The following EPB41L3 variants were observed in gnomAD, a reference collection of about 807,000 sequenced individuals.
EPB41L3 encodes the protein erythrocyte membrane protein band 4.1 like 3.
A neutral mutation model predicts 127.1 loss-of-function variants in EPB41L3; 57 were observed. The observed-to-expected ratio is 0.45, with a 90% CI of 0.36 to 0.56. The LOEUF is 0.56. EPB41L3 is among the 20% of genes least tolerant of loss of function. The pLI is 0.00. For synonymous variants in EPB41L3, 572 were observed against 549.5 expected (o/e 1.04, Z -0.57); for missense variants, 1,273 against 1,372.2 (o/e 0.93, Z 1.14).
chr18:5,426,148 C>T (rs1311811859), intron 9 of EPB41L3, among the ~76,000 whole-genome samples: 1 of 152,182 alleles, frequency 6.6e-6, no homozygotes, highest in Non-Finnish European at 1.5e-5. Flanking sequence ...CTTTCTCTAA[C>T]TTGCCTTGCT....
At chr18:5,420,172 C>T in intron 11 of EPB41L3, 1 of 481,706 alleles carries the variant, frequency 2.1e-6, no homozygotes, top group Non-Finnish European at 3.7e-6. Context: ...TATCCTCAGA[C>T]TCTCTGCTGA....
In EPB41L3 at chr18:5,471,793, C is replaced by A. The variant is rs561586196; in HGVS notation, c.381+6448G>T. 3.3e-5 allele frequency among the ~76,000 whole-genome samples: 5 copies of A among 152,262 alleles called. No homozygotes were observed. The East Asian group carries it at 9.7e-4, about 29-fold the overall frequency. ...AAGGAGTTAGCTTTGCACGAAAAGGCAAACCTAGGGCTTCAGCATCACGAT... is the reference window on the plus strand; with the variant it reads ...AAGGAGTTAGCTTTGCACGAAAAGGAAAACCTAGGGCTTCAGCATCACGAT... On this transcript the variant is annotated intron_variant, in intron 3 of 22. Transcript: ENST00000341928.
intron 1 of EPB41L3, among the ~76,000 whole-genome samples, chr18:5,619,974 G>A (rs1329475822): frequency 6.6e-6 from 1 of 152,032 alleles, no homozygotes; most frequent in Non-Finnish European, 1.5e-5. Flanking sequence ...TATATTACCT[G>A]AGCTAACAAT....
At chr18:5,592,801 G>T (rs2094497837) in intron 3 of EPB41L3, among the ~76,000 whole-genome samples, 1 of 152,136 alleles carries the variant, frequency 6.6e-6, no homozygotes, top group South Asian at 2.1e-4. Flanking sequence ...ATCATCTTAG[G>T]GACCTGTGGG....
At chr18:5,588,307 AT>A (rs2094457415) in intron 3 of EPB41L3, among the ~76,000 whole-genome samples, 1 of 152,092 alleles carries the variant, frequency 6.6e-6, no homozygotes, top group African/African-American at 2.4e-5. Flanking sequence ...ATGAATAGGA[AT>A]TTTTTAAACA....
At chr18:5,500,699 T>C (rs2148503654) in intron 1 of EPB41L3, among the ~76,000 whole-genome samples, 1 of 152,364 alleles carries the variant, frequency 6.6e-6, no homozygotes, top group Admixed American at 6.5e-5. Flanking sequence ...TCTAATTCCC[T>C]GTCTGTCCAG....
At chr18:5,558,863 G>A (rs752931752) in intron 3 of EPB41L3, among the ~76,000 whole-genome samples, 5 of 152,166 alleles carry the variant, frequency 3.3e-5, no homozygotes, top group Non-Finnish European at 2.9e-5. Flanking sequence ...GGACATAACA[G>A]GACAAACATT....
chr18:5,532,518 T>C (rs2093443735), intron 1 of EPB41L3, among the ~76,000 whole-genome samples: 1 of 152,216 alleles, frequency 6.6e-6, no homozygotes, highest in Non-Finnish European at 1.5e-5. Flanking sequence ...TAACTATCAC[T>C]GGTGCCAAAT....
At chr18:5,596,788 A>G (rs2094540998) in intron 3 of EPB41L3, among the ~76,000 whole-genome samples, 1 of 152,224 alleles carries the variant, frequency 6.6e-6, no homozygotes, top group Non-Finnish European at 1.5e-5. Flanking sequence ...TGACAATGCA[A>G]TAAGAAGATT....
At chr18:5,616,699 A>G (rs1156470279) in intron 1 of EPB41L3, among the ~76,000 whole-genome samples, 1 of 152,168 alleles carries the variant, frequency 6.6e-6, no homozygotes, top group Non-Finnish European at 1.5e-5. Context: ...TTTTCTAAAC[A>G]ATATTGTTAT....
intron 3 of EPB41L3, among the ~76,000 whole-genome samples, chr18:5,588,389 A>G (rs1023114450): frequency 6.6e-6 from 1 of 152,146 alleles, no homozygotes. Flanking sequence ...ATATTATTAT[A>G]ACACTAAAAC....
intron 12 of EPB41L3, among the ~76,000 whole-genome samples, chr18:5,417,192 G>T (rs2076931400): frequency 6.6e-6 from 1 of 152,160 alleles, no homozygotes; most frequent in Non-Finnish European, 1.5e-5. Flanking sequence ...ATAACAGAAA[G>T]ATATAATTTC....
intron 1 of EPB41L3, among the ~76,000 whole-genome samples, chr18:5,542,651 C>G (rs530246677): frequency 6.6e-6 from 1 of 152,332 alleles, no homozygotes; most frequent in Non-Finnish European, 1.5e-5. Context: ...CACATGTTTC[C>G]TTTATCATTC....
intron 1 of EPB41L3, among the ~76,000 whole-genome samples, chr18:5,617,744 A>G (rs1468352891): frequency 6.6e-6 from 1 of 152,242 alleles, no homozygotes; most frequent in Non-Finnish European, 1.5e-5. Flanking sequence ...GAACAAAAAA[A>G]TGTAGTTTTA....
intron 13 of EPB41L3, among the ~76,000 whole-genome samples, chr18:5,415,462 A>G (rs912179258): frequency 1.3e-5 from 2 of 152,256 alleles, no homozygotes; most frequent in African/African-American, 2.4e-5. Context: ...CATCTGTCTT[A>G]TATGTGATTT....
chr18:5,582,093 G>A (rs1446714347), intron 3 of EPB41L3, among the ~76,000 whole-genome samples: 2 of 152,330 alleles, frequency 1.3e-5, no homozygotes, highest in South Asian at 2.1e-4. Context: ...GTTTTACATC[G>A]AACTAGAAAC....
upstream of EPB41L3, among the ~76,000 whole-genome samples, chr18:5,547,568 G>C (rs915735394): frequency 6.6e-6 from 1 of 152,064 alleles, no homozygotes; most frequent in Admixed American, 6.6e-5. Context: ...CTTATTTATG[G>C]ACTTCCTGAA....
intron 14 of EPB41L3, among the ~76,000 whole-genome samples, chr18:5,408,140 C>G (rs548070788): frequency 1.3e-5 from 2 of 152,112 alleles, no homozygotes; most frequent in Non-Finnish European, 2.9e-5. Flanking sequence ...GTATGAATCC[C>G]GCCCTATGAG....
chr18:5,542,256 T>C (rs2093752061), intron 1 of EPB41L3, among the ~76,000 whole-genome samples: 1 of 152,270 alleles, frequency 6.6e-6, no homozygotes, highest in Non-Finnish European at 1.5e-5. Flanking sequence ...TCTGCTTAAT[T>C]TGCTGTAATT....
Sources: allele counts gnomAD v4.1 joint callset (sites outside exome capture counted in the v4.1 genomes callset), GRCh38; gene constraint gnomAD v4.1.1; transcripts MANE v1.5; gene names NCBI Gene and HGNC (gene_info 2026-07-23, HGNC 2026-07-21).